The following COL24A1 variants were observed in gnomAD, a reference collection of about 807,000 sequenced individuals.
The protein encoded by COL24A1 is collagen type XXIV alpha 1 chain.
Under a neutral mutation model 253.9 loss-of-function variants are expected in COL24A1, and 224 were observed. That is an observed-to-expected ratio of 0.88 (90% CI 0.79 to 0.99). The LOEUF (loss-of-function observed/expected upper bound fraction) is 0.99, where lower values mean the gene tolerates loss of function less well. Among genes scored for constraint, COL24A1 ranks in the 50% least tolerant of loss-of-function variants. COL24A1 has a pLI of 0.00. For synonymous variants in COL24A1, 685 were observed against 673.7 expected (o/e 1.02, Z -0.26); for missense variants, 2,131 against 2,068.5 (o/e 1.03, Z -0.59).
chr1:85,939,574 C>G (rs901574783), intron 24 of COL24A1, among the ~76,000 whole-genome samples: 4 of 152,132 alleles, frequency 2.6e-5, no homozygotes, highest in Non-Finnish European at 5.9e-5. Context: ...CCTCCTTTTC[C>G]TTCATACTAA....
Position 85,745,443 on chromosome 1 carries a change from C to G in COL24A1, c.4501G>C (p.Glu1501Gln). ...LIESNTALQM[E>Q]SYQNTEVTLI... ...ATAAATAAAACCAGATATGTTACCT[C>G]CATCTGTAGGGCAGTATTTGATTCA... is the stretch of plus-strand genomic sequence containing the variant. The change falls in exon 56 of 60, where the codon GAG (glutamate) becomes CAG (glutamine). Residue 1501 changes from glutamate to glutamine, a missense_variant and splice_region_variant. Glu to Gln is a conservative substitution (Grantham distance 29). Coordinates refer to ENST00000370571, the MANE Select transcript of COL24A1 (RefSeq NM_152890.7). The G allele has an allele frequency of 6.2e-7, 1 of 1,603,626 alleles. No individual in the cohort carries two copies. The highest frequency in any genetic ancestry group is 8.5e-7 in the Non-Finnish European group (1 of 1,174,914).
intron 27 of COL24A1, 102 bp downstream of exon 27, chr1:85,908,494 CAT>C (rs1465783331): frequency 1.1e-5 from 7 of 638,330 alleles, no homozygotes; most frequent in East Asian, 3.2e-5. Context: ...CTAGTTTACA[CAT>C]GACTTACTTT....
chr1:85,876,137 A>G (rs929241669), intron 33 of COL24A1, among the ~76,000 whole-genome samples: 34 of 152,056 alleles, frequency 2.2e-4, no homozygotes, highest in African/African-American at 6.5e-4. Flanking sequence ...AGAATGATAA[A>G]CCGGCAACAA....
chr1:85,745,559 CTAAAG>C (rs1665126426), intron 55 of COL24A1, 53 bp from the exon 56 acceptor site: 9 of 1,329,132 alleles, frequency 6.8e-6, no homozygotes, highest in Non-Finnish European at 8.5e-6. Flanking sequence ...ACTGAGTGCC[CTAAAG>C]TAAAGGCTGT....
chr1:86,142,651 G>A (rs529437742), intron 2 of COL24A1, among the ~76,000 whole-genome samples: 4 of 151,682 alleles, frequency 2.6e-5, no homozygotes, highest in South Asian at 2.1e-4. Flanking sequence ...AAACAAAGAC[G>A]GAAAATAGGA....
chr1:85,970,269 TC>T lies in COL24A1; in HGVS notation c.2420del (p.Gly807GlufsTer32). ...CAAAGGCTCCAATTGGTCCTTCTTC[TC>T]CCTTAAAAAAAAAAAAAGTCAGAAC... ...PGPPGLKGTQ[G>X]EEGPIGAFGE... is the part of the protein sequence containing the mutation. On this transcript the variant is annotated frameshift_variant and splice_region_variant, in exon 22 of 60. Transcript: ENST00000370571. LOFTEE classifies it high-confidence loss of function. The T allele has an allele frequency of 1.3e-6, 2 of 1,587,320 alleles. No individual in the cohort carries two copies. The highest frequency in any genetic ancestry group is 1.7e-6 in the Non-Finnish European group (2 of 1,169,380).
intron 5 of COL24A1, among the ~76,000 whole-genome samples, chr1:86,110,894 G>A (rs1463294612): frequency 2.6e-5 from 4 of 152,092 alleles, no homozygotes; most frequent in African/African-American, 9.7e-5. Context: ...TCTCCGTGGT[G>A]CCTGGTCCCA....
chr1:85,857,524 A>T (rs1678580781), intron 37 of COL24A1, among the ~76,000 whole-genome samples: 1 of 152,042 alleles, frequency 6.6e-6, no homozygotes, highest in South Asian at 2.1e-4. Context: ...TGTAAACATC[A>T]TCAGCAGAAA....
chr1:86,027,819 A>C (rs1234511323), intron 14 of COL24A1, among the ~76,000 whole-genome samples: 1 of 152,174 alleles, frequency 6.6e-6, no homozygotes, highest in Non-Finnish European at 1.5e-5. Flanking sequence ...ATTCACCTGG[A>C]AAAGCCACAG....
At chr1:85,985,343 T>C (rs537408) in intron 20 of COL24A1, among the ~76,000 whole-genome samples, 78,962 of 151,348 alleles carry the variant, frequency 0.52, 20,994 homozygotes, top group Admixed American at 0.58. Context: ...CTAAATAGTT[T>C]GGCTGAAGTG....
At chr1:85,936,327 G>C (rs1339120681) in intron 24 of COL24A1, among the ~76,000 whole-genome samples, 1 of 146,908 alleles carries the variant, frequency 6.8e-6, no homozygotes, top group Non-Finnish European at 1.5e-5. Context: ...GTAAGAAAAC[G>C]TAACCCAGTT....
intron 38 of COL24A1, 62 bp downstream of exon 38, chr1:85,849,291 T>C (rs1677490733): frequency 8.2e-7 from 1 of 1,220,362 alleles, no homozygotes; most frequent in Admixed American, 1.9e-5. Flanking sequence ...ATTACAGCAG[T>C]CTATGGAGTT....
At position 85,868,855 on chromosome 1, in the gene COL24A1, G is replaced by A. The variant is rs559065743; in HGVS notation, c.3139-20C>T. 1.3e-6 allele frequency: 2 copies of A among 1,545,680 alleles called. No homozygotes were observed. The highest frequency in any genetic ancestry group is 4.0e-5 in the Admixed American group (2 of 50,088). On this transcript the variant is annotated intron_variant, in intron 35 of 59. Transcript: ENST00000370571. ...TTCACCCTATTTTGTAGCAGAAAGA[G>A]TATGATTGAGTTTTTTTTTGCTATA... is the stretch of plus-strand genomic sequence containing the variant.
intron 2 of COL24A1, among the ~76,000 whole-genome samples, chr1:86,142,064 A>G (rs1363334125): frequency 6.6e-6 from 1 of 152,176 alleles, no homozygotes; most frequent in Non-Finnish European, 1.5e-5. Flanking sequence ...AACATAAAAG[A>G]CAGACCAATA....
intron 3 of COL24A1, among the ~76,000 whole-genome samples, chr1:86,120,963 TA>T (rs1173759909): frequency 1.3e-5 from 2 of 152,064 alleles, no homozygotes; most frequent in East Asian, 3.9e-4. Context: ...TATGCAGCCT[TA>T]AAAAAGGATG....
intron 39 of COL24A1, among the ~76,000 whole-genome samples, chr1:85,845,136 A>G (rs1677032794): frequency 6.6e-6 from 1 of 151,958 alleles, no homozygotes; most frequent in Non-Finnish European, 1.5e-5. Flanking sequence ...TTAAAAAATG[A>G]AATCTATTTG....
chr1:85,833,602 C>T (rs1278587733), intron 43 of COL24A1, among the ~76,000 whole-genome samples: 1 of 152,164 alleles, frequency 6.6e-6, no homozygotes. Context: ...TTGACCCAGC[C>T]ATCCCATTAC....
chr1:86,057,872 A>G (rs1377544454), intron 10 of COL24A1, 59 bp downstream of exon 10: 2 of 1,451,106 alleles, frequency 1.4e-6, no homozygotes, highest in South Asian at 1.2e-5. Flanking sequence ...AGTGTTTTAT[A>G]TATTTCATTC....
At chr1:85,845,289 G>A (rs1417226536) in intron 39 of COL24A1, among the ~76,000 whole-genome samples, 2 of 151,794 alleles carry the variant, frequency 1.3e-5, no homozygotes, top group Non-Finnish European at 3.0e-5. Context: ...AACAAATGTT[G>A]TAAAAGGATT....
Sources: allele counts gnomAD v4.1 joint callset (sites outside exome capture counted in the v4.1 genomes callset), GRCh38; gene constraint gnomAD v4.1.1; transcripts MANE v1.5; gene names NCBI Gene and HGNC (gene_info 2026-07-23, HGNC 2026-07-21).